The following HADH variants were observed in gnomAD, a reference collection of about 807,000 sequenced individuals.
HADH encodes the protein hydroxyacyl-CoA dehydrogenase, also known as hydroxyacyl-coenzyme A dehydrogenase, mitochondrial.
Under a neutral mutation model 32.2 loss-of-function variants are expected in HADH, and 24 were observed. The observed-to-expected ratio is 0.75, with a 90% CI of 0.54 to 1.05. HADH has a LOEUF of 1.05. Among genes scored for constraint, HADH ranks in the 50% least tolerant of loss-of-function variants. The pLI, the probability that HADH is intolerant of heterozygous loss-of-function variation, is 0.00. For missense variants in HADH, 350 were observed against 397.1 expected (o/e 0.88, Z 1.01); for synonymous variants, 139 against 152.5 (o/e 0.91, Z 0.65).
intron 1 of HADH, among the ~76,000 whole-genome samples, chr4:108,006,521 C>G (rs969600460): frequency 6.6e-6 from 1 of 152,144 alleles, no homozygotes; most frequent in East Asian, 1.9e-4. Context: ...GAGCACAGAT[C>G]TTAGAGCAGT....
intron 5 of HADH, chr4:108,026,689 C>T (rs1736080082): frequency 6.6e-6 from 1 of 152,142 alleles, no homozygotes; most frequent in African/African-American, 2.4e-5. Context: ...TGAGGAGTGC[C>T]TGGTCATCTG....
chr4:108,020,734 G>A (rs142467028), intron 4 of HADH, among the ~76,000 whole-genome samples: 1 of 152,166 alleles, frequency 6.6e-6, no homozygotes, highest in Non-Finnish European at 1.5e-5. Context: ...CTGAGGTTGA[G>A]GAGTTATTGC....
chr4:108,014,727 G>A, intron 3 of HADH, 139 bp downstream of exon 3: 1 of 760,438 alleles, frequency 1.3e-6, no homozygotes, highest in South Asian at 1.7e-5. Context: ...GGTGAAGTCT[G>A]GGCTTTTAGT....
Position 108,005,461 on chromosome 4 carries a change from G to A in HADH, c.133-4298G>A, listed in dbSNP as rs147875073. On this transcript the variant is annotated intron_variant, in intron 1 of 7. Coordinates refer to ENST00000309522, the MANE Select transcript of HADH (RefSeq NM_005327.7). ...AGGACTTCGAATGCTAAAGAATGGG[G>A]CCTCACAATGGTCAGTACAGTATTT... The A allele has an allele frequency of 9.3e-3, 1,461 of 157,618 alleles. 21 individuals carry two copies. Among genetic ancestry groups the A allele is most frequent in the African/African-American group, 0.033 (1,391 of 41,596 alleles). The allele number at this position is 157,618 out of a possible 1,614,324, so 9.8% of individuals were successfully genotyped here.
chr4:108,000,952 G>T (rs1735103171), intron 1 of HADH, among the ~76,000 whole-genome samples: 1 of 152,202 alleles, frequency 6.6e-6, no homozygotes, highest in African/African-American at 2.4e-5. Flanking sequence ...ATCAATTTCT[G>T]CCATTAAGGG....
At position 108,035,098 on chromosome 4, in the gene HADH, G is replaced by A. The variant is rs1172027127; in HGVS notation, c.*741G>A. On this transcript the variant is annotated 3_prime_UTR_variant, in exon 8 of 8. Transcript: ENST00000309522. ...ATGTTTCAGTCTGAAAATTTGAATT[G>A]AAAAAAATGTATAATATAAAATTGT... is the stretch of plus-strand genomic sequence containing the variant. The A allele has an allele frequency of 6.6e-6, 1 of 152,278 alleles. No individual in the cohort carries two copies. Among genetic ancestry groups the A allele is most frequent in the Non-Finnish European group, 1.5e-5 (1 of 68,216 alleles). 9.4% of individuals were successfully genotyped at this position (152,278 alleles called of 1,614,324 possible).
chr4:108,027,768 T>C lies in HADH; in HGVS notation c.709+8T>C. On this transcript the variant is annotated splice_region_variant and intron_variant, in intron 6 of 7. Transcript: ENST00000309522. ...TCAGGCTGTATGAACGAGGTATCCT[T>C]CTGACCCAGGCCAGGAGCAGCAGAC... 1 of 1,564,056 alleles carries C rather than the reference T, an allele frequency of 6.4e-7. No individual in the cohort carries two copies. Among genetic ancestry groups the C allele is most frequent in the Non-Finnish European group, 8.8e-7 (1 of 1,134,392 alleles).
In HADH at chr4:108,009,869, G is replaced by T. The variant is rs745423719; in HGVS notation, c.243G>T (p.Lys81Asn). The T allele has an allele frequency of 8.1e-6, 13 of 1,610,624 alleles. No homozygotes were observed. Among genetic ancestry groups the T allele is most frequent in the East Asian group, 4.5e-5 (2 of 44,816 alleles). Residue 81 changes from lysine to asparagine, a missense_variant, in exon 2 of 8, where the codon AAG (lysine) becomes AAT (asparagine). Lys to Asn is a moderately conservative substitution (Grantham distance 94, BLOSUM62 0). Transcript: ENST00000309522. ...GCCTTAGGAAAGTGGCAAAGAAGAAGTTTGCAGAAAACCTTAAGGTAATTT... is the reference window on the plus strand; with the variant it reads ...GCCTTAGGAAAGTGGCAAAGAAGAATTTTGCAGAAAACCTTAAGGTAATTT... ...EESLRKVAKKKFAENLKAGDE... is the reference protein window; with the variant it reads ...EESLRKVAKKNFAENLKAGDE...
chr4:108,013,770 G>A (rs1157723222), intron 2 of HADH, among the ~76,000 whole-genome samples: 1 of 152,062 alleles, frequency 6.6e-6, no homozygotes, highest in Non-Finnish European at 1.5e-5. Flanking sequence ...ACCTGTTAAA[G>A]TGATGGCATC....
chr4:107,991,126 T>G (rs1436573796), intron 1 of HADH, among the ~76,000 whole-genome samples: 1 of 152,216 alleles, frequency 6.6e-6, no homozygotes, highest in Non-Finnish European at 1.5e-5. Context: ...GTGCGAGTGA[T>G]TGATTACCTG....
intron 2 of HADH, among the ~76,000 whole-genome samples, chr4:108,010,993 C>T (rs753334981): frequency 1.3e-4 from 19 of 151,956 alleles, no homozygotes; most frequent in African/African-American, 1.7e-4. Context: ...GGATTACAGG[C>T]GCACGCCACC....
chr4:108,020,038 G>T (rs529766162), intron 4 of HADH, among the ~76,000 whole-genome samples: 1 of 152,308 alleles, frequency 6.6e-6, no homozygotes, highest in Admixed American at 6.5e-5. Context: ...GCTTGCCCAT[G>T]CTGTAAATGC....
At position 108,022,724 on chromosome 4, in the gene HADH, G is replaced by T. The variant is rs556206199; in HGVS notation, c.547-750G>T. 2.6e-5 allele frequency among the ~76,000 whole-genome samples: 4 copies of T among 152,274 alleles called. No individual in the cohort carries two copies. In the East Asian group the frequency reaches 7.7e-4, roughly 29 times the overall value. ...GACTTCTAATAATTAAATAATGGAA[G>T]TCAGCATTTATTGAGCATTTGTGCT... On this transcript the variant is annotated intron_variant, in intron 4 of 7. Coordinates refer to ENST00000309522, the MANE Select transcript of HADH (RefSeq NM_005327.7).
At chr4:108,004,947 T>A (rs999136269) in intron 1 of HADH, 4 of 1,484,388 alleles carry the variant, frequency 2.7e-6, no homozygotes, top group Middle Eastern at 1.7e-4. Context: ...GTATTCAGGA[T>A]GTTATGTGGT....
intron 2 of HADH, 53 bp from the exon 3 acceptor site, chr4:108,014,378 G>T: frequency 1.2e-6 from 2 of 1,605,648 alleles, no homozygotes; most frequent in Non-Finnish European, 1.7e-6. Flanking sequence ...GAACTTGAAA[G>T]ATAATTTCCA....
intron 3 of HADH, among the ~76,000 whole-genome samples, chr4:108,018,919 A>G (rs1317276398): frequency 6.6e-6 from 1 of 152,198 alleles, no homozygotes; most frequent in East Asian, 1.9e-4. Flanking sequence ...AATGTCTTAT[A>G]TATGCATATG....
intron 1 of HADH, chr4:108,004,892 C>T: frequency 1.3e-6 from 2 of 1,535,774 alleles, no homozygotes; most frequent in Non-Finnish European, 1.7e-6. Flanking sequence ...GGCTGGAAGC[C>T]CAGCTGGGAG....
intron 6 of HADH, chr4:108,029,161 A>C (rs1736168831): frequency 3.0e-6 from 1 of 338,748 alleles, no homozygotes; most frequent in Non-Finnish European, 5.3e-6. Flanking sequence ...GCCTCTTACC[A>C]TGTCCCCCCG....
Position 108,035,091 on chromosome 4 carries a change from T to C in HADH, c.*734T>C, listed in dbSNP as rs1006105624. 16 of 152,536 alleles carry C rather than the reference T, an allele frequency of 1.0e-4. No homozygotes were observed. Among genetic ancestry groups the C allele is most frequent in the African/African-American group, 3.1e-4 (13 of 41,550 alleles). 9.4% of individuals were successfully genotyped at this position (152,536 alleles called of 1,614,324 possible). ...AATAACAATGTTTCAGTCTGAAAAT[T>C]TGAATTGAAAAAAATGTATAATATA... On this transcript the variant is annotated 3_prime_UTR_variant, in exon 8 of 8. Transcript: ENST00000309522.
Sources: gnomAD v4.1 joint callset for allele counts (sites outside exome capture counted in the v4.1 genomes callset) on GRCh38, gnomAD v4.1.1 for gene constraint, MANE v1.5 for transcripts, NCBI Gene and HGNC (gene_info 2026-07-23, HGNC 2026-07-21) for gene names.